BFSP2: variants seen among roughly 807,000 people sequenced by gnomAD.
BFSP2 encodes the protein beaded filament structural protein 2.
Under a neutral mutation model 44.9 loss-of-function variants are expected in BFSP2, and 38 were observed. The observed-to-expected ratio is 0.85, with a 90% CI of 0.65 to 1.11. The LOEUF is 1.11. Ranked by LOEUF, BFSP2 falls within the 50% of genes least tolerant of loss-of-function variation. The pLI is 0.00. For synonymous variants in BFSP2, 197 were observed against 209.9 expected (o/e 0.94, Z 0.53); for missense variants, 525 against 533.0 (o/e 0.99, Z 0.15).
In BFSP2 at chr3:133,465,476, G is replaced by A. The variant is rs181596206; in HGVS notation, c.892-1352G>A. Reference sequence around the variant, plus strand: ...AGGAGACGTTCCATCAGACTGCATCGAAGAAAATGGGGATGATCTCTCATT... The same window carrying A: ...AGGAGACGTTCCATCAGACTGCATCAAAGAAAATGGGGATGATCTCTCATT... On this transcript the variant is annotated intron_variant, in intron 4 of 6. Coordinates refer to ENST00000302334, the MANE Select transcript of BFSP2 (RefSeq NM_003571.4). Among the ~76,000 whole-genome samples the A allele has an allele frequency of 3.7e-3, 561 of 152,258 alleles. 19 individuals are homozygous for A. Among genetic ancestry groups the A allele is most frequent in the Admixed American group, 0.032 (492 of 15,302 alleles).
intron 1 of BFSP2, among the ~76,000 whole-genome samples, chr3:133,424,245 T>TGTGTGTGTGTGTGTGTGTGTGTGTGTGTG (rs2073623766): frequency 7.7e-6 from 1 of 129,712 alleles, no homozygotes; most frequent in African/African-American, 3.5e-5. Context: ...TTTTTTTGTA[T>TGTGTGTGTGTGTGTGTGTGTGTGTGTGTG]TTTTAGTAGA....
At chr3:133,409,227 GGTGTGTGTGTGTGTGTGT>G (rs56156448) in intron 1 of BFSP2, among the ~76,000 whole-genome samples, 1 of 148,498 alleles carries the variant, frequency 6.7e-6, no homozygotes. Flanking sequence ...TTCTGACACT[GGTGTGTGTGTGTGTGTGT>G]GTGTGTGTGT....
chr3:133,423,685 C>G (rs1334981468), intron 1 of BFSP2, among the ~76,000 whole-genome samples: 1 of 152,140 alleles, frequency 6.6e-6, no homozygotes, highest in Non-Finnish European at 1.5e-5. Context: ...ATCAGATTTG[C>G]CAGAGCCCCT....
chr3:133,471,904 C>T (rs1488529090), intron 5 of BFSP2, among the ~76,000 whole-genome samples: 1 of 152,078 alleles, frequency 6.6e-6, no homozygotes, highest in Non-Finnish European at 1.5e-5. Context: ...GGGGTTTCAG[C>T]AGCAGAGGGA....
intron 4 of BFSP2, among the ~76,000 whole-genome samples, chr3:133,462,214 A>G (rs2074070724): frequency 6.6e-6 from 1 of 151,826 alleles, no homozygotes; most frequent in African/African-American, 2.4e-5. Flanking sequence ...CAGATAACTA[A>G]CCTACAGTTT....
Position 133,400,571 on chromosome 3 carries a change from AG to A in BFSP2, c.489+1del, listed in dbSNP as rs749731530. ...LRASWASSCQ[Q>X]VGEAVLENAR... ...GCTTCCTGGGCCAGCAGCTGCCAGCAGGTAAGTGTCCAGGCTGTGCCAAGGG... is the reference window on the plus strand; with the variant it reads ...GCTTCCTGGGCCAGCAGCTGCCAGCAGTAAGTGTCCAGGCTGTGCCAAGGG... On this transcript the variant is annotated frameshift_variant and splice_region_variant, in exon 1 of 7. Transcript: ENST00000302334. LOFTEE classifies it high-confidence loss of function. The surrounding 1 kb of genome is among the most constrained non-coding windows in gnomAD (Gnocchi z 4.0). 57 of 1,597,252 alleles carry A rather than the reference AG, an allele frequency of 3.6e-5. No individual in the cohort carries two copies. Among genetic ancestry groups the A allele is most frequent in the Non-Finnish European group, 3.8e-5 (45 of 1,171,932 alleles).
intron 1 of BFSP2, among the ~76,000 whole-genome samples, chr3:133,431,635 A>G (rs547880239): frequency 6.6e-6 from 1 of 152,170 alleles, no homozygotes; most frequent in South Asian, 2.1e-4. Context: ...GCAGACCATC[A>G]CGGACGCCGA....
intron 1 of BFSP2, among the ~76,000 whole-genome samples, chr3:133,427,705 C>A (rs73211865): frequency 0.053 from 8,057 of 152,274 alleles, 211 homozygotes; most frequent in African/African-American, 0.063. Context: ...CTGTCCATTA[C>A]GTCCCACTGG....
At chr3:133,449,078 G>A (rs1410160646) in intron 3 of BFSP2, 4 of 202,420 alleles carry the variant, frequency 2.0e-5, no homozygotes, top group African/African-American at 9.3e-5. Context: ...CAGAACTGAA[G>A]AGGACCTCCA....
At chr3:133,450,147 A>C (rs1245209203) in intron 3 of BFSP2, among the ~76,000 whole-genome samples, 156 bp from the exon 4 acceptor site, 1 of 152,170 alleles carries the variant, frequency 6.6e-6, no homozygotes, top group Non-Finnish European at 1.5e-5. Flanking sequence ...TACGCTGGGA[A>C]GAAGGTCAGG....
intron 1 of BFSP2, among the ~76,000 whole-genome samples, chr3:133,442,125 T>C (rs1419422999): frequency 1.3e-5 from 2 of 152,062 alleles, no homozygotes; most frequent in African/African-American, 4.8e-5. Flanking sequence ...TAGAGTTTTG[T>C]TTTGTTTTGT....
Position 133,448,511 on chromosome 3 carries a change from C to T in BFSP2, c.595C>T (p.Arg199Ter), listed in dbSNP as rs1296755444. Reference protein sequence around the residue: ...KERYENEQPFRKAAEEEINSL... With the variant: ...KERYENEQPF ...CAGATATGAAAATGAGCAGCCATTT[C>T]GAAAGGCGGCAGAAGAGGAAATTAA... Residue 199 changes from arginine to a stop codon, truncating the protein, a stop_gained, in exon 3 of 7, where the codon CGA (arginine) becomes TGA (stop). Transcript: ENST00000302334. LOFTEE classifies it high-confidence loss of function. 2.5e-6 allele frequency: 4 copies of T among 1,613,942 alleles called. No individual in the cohort carries two copies. The highest frequency in any genetic ancestry group is 1.1e-5 in the South Asian group (1 of 91,060).
chr3:133,419,465 A>T (rs1358434974), intron 1 of BFSP2, among the ~76,000 whole-genome samples: 2 of 152,064 alleles, frequency 1.3e-5, no homozygotes, highest in African/African-American at 2.4e-5. Context: ...CTGTCCCAGA[A>T]CCCTGAAGGG....
intron 5 of BFSP2, among the ~76,000 whole-genome samples, chr3:133,468,736 C>T (rs1033214321): frequency 2.0e-5 from 3 of 152,152 alleles, no homozygotes; most frequent in Non-Finnish European, 4.4e-5. Flanking sequence ...AGTCACAAGA[C>T]TATCCTAGAT....
At chr3:133,438,281 C>T (rs1487112748) in intron 1 of BFSP2, among the ~76,000 whole-genome samples, 3 of 152,234 alleles carry the variant, frequency 2.0e-5, no homozygotes, top group African/African-American at 4.8e-5. Flanking sequence ...AATCCCAGCA[C>T]TTTGGGAGGC....
intron 1 of BFSP2, chr3:133,404,995 G>A (rs545541266): frequency 3.3e-5 from 5 of 152,324 alleles, no homozygotes; most frequent in African/African-American, 1.2e-4. Context: ...CCAAATGAAC[G>A]ATGCTGACAA....
chr3:133,440,842 CAG>C (rs2073838117), intron 1 of BFSP2, among the ~76,000 whole-genome samples: 1 of 152,126 alleles, frequency 6.6e-6, no homozygotes, highest in Admixed American at 6.5e-5. Flanking sequence ...CTGATGAAGT[CAG>C]GGTTTATTTA....
At chr3:133,464,353 T>A (rs1010089002) in intron 4 of BFSP2, among the ~76,000 whole-genome samples, 1 of 152,224 alleles carries the variant, frequency 6.6e-6, no homozygotes, top group African/African-American at 2.4e-5. Flanking sequence ...ACTGGCCATA[T>A]AATCTTGAGC....
intron 1 of BFSP2, among the ~76,000 whole-genome samples, chr3:133,435,325 A>G (rs56016637): frequency 0.088 from 13,349 of 152,310 alleles, 623 homozygotes; most frequent in Middle Eastern, 0.17. Context: ...CCAGAAAGTC[A>G]ACAAGCAAAA....
Sources: allele counts gnomAD v4.1 joint callset (sites outside exome capture counted in the v4.1 genomes callset), GRCh38; gene constraint gnomAD v4.1.1; non-coding constraint Gnocchi (gnomAD v3.1); transcripts MANE v1.5; gene names NCBI Gene and HGNC (gene_info 2026-07-23, HGNC 2026-07-21).